Variants in ATP8A2 observed in about 807,000 individuals in gnomAD.
The protein encoded by ATP8A2 is phospholipid-transporting ATPase IB.
Under a neutral mutation model 165.6 loss-of-function variants are expected in ATP8A2, and 100 were observed. The observed-to-expected ratio is 0.60, with a 90% confidence interval of 0.51 to 0.71. ATP8A2 has a LOEUF of 0.71. Among genes scored for constraint, ATP8A2 ranks in the 30% least tolerant of loss-of-function variants. ATP8A2 has a pLI of 0.00. For synonymous variants in ATP8A2, 543 were observed against 548.8 expected (o/e 0.99, Z 0.15); for missense variants, 1,227 against 1,479.5 (o/e 0.83, Z 2.80).
intron 23 of ATP8A2, among the ~76,000 whole-genome samples, chr13:25,584,242 C>T (rs4438146): frequency 0.6 from 90,756 of 152,038 alleles, 28,743 homozygotes; most frequent in Middle Eastern, 0.71. Context: ...AAAGCATATA[C>T]GTCCGGACAT....
intron 24 of ATP8A2, among the ~76,000 whole-genome samples, chr13:25,674,295 C>G (rs1424895171): frequency 1.3e-5 from 2 of 150,980 alleles, no homozygotes; most frequent in Non-Finnish European, 2.9e-5. Flanking sequence ...CTATAAGGAC[C>G]TTTGGCTCTT....
intron 33 of ATP8A2, among the ~76,000 whole-genome samples, chr13:25,892,952 G>C (rs1953423277): frequency 6.6e-6 from 1 of 152,116 alleles, no homozygotes; most frequent in Non-Finnish European, 1.5e-5. Context: ...GATAGGCTCA[G>C]GTTTGGGACT....
chr13:26,020,046 C>A lies in ATP8A2; in HGVS notation c.*61C>A. 1 of 1,234,302 alleles carries A rather than the reference C, an allele frequency of 8.1e-7. No individual in the cohort carries two copies. The highest frequency in any genetic ancestry group is 1.2e-6 in the Non-Finnish European group (1 of 840,754). The allele number at this position is 1,234,302 out of a possible 1,614,324, so 76.5% of individuals were successfully genotyped here. ...TTCAGTTTGTTGCACCCAGTGTTAA[C>A]ACATCTTTGTCAGAGAAGACTGGCG... is the stretch of plus-strand genomic sequence containing the variant. On this transcript the variant is annotated 3_prime_UTR_variant, in exon 37 of 37. Coordinates refer to ENST00000381655, the MANE Select transcript of ATP8A2 (RefSeq NM_016529.6).
At chr13:25,839,414 A>C in intron 29 of ATP8A2, 132 bp from the exon 30 acceptor site, 1 of 625,738 alleles carries the variant, frequency 1.6e-6, no homozygotes, top group Non-Finnish European at 2.9e-6. Flanking sequence ...TTTCAAATTC[A>C]AGAATAATAT....
rs373263564 is a variant in ATP8A2, at chr13:25,609,542, A to AAT, written c.2211+19858_2211+19859dup. Among the ~76,000 whole-genome samples the AAT allele has an allele frequency of 2.2e-3, 315 of 143,652 alleles. 2 individuals are homozygous for AAT. The highest frequency in any genetic ancestry group is 3.0e-3 in the Non-Finnish European group (201 of 66,054). The allele number at this position is 143,652 out of a possible 152,430, so 94.2% of individuals were successfully genotyped here. A position where few individuals can be genotyped will look rare whatever the true frequency, so the allele number is the denominator to read the frequency against. ...CAAATATATATATATTTGGGATTCA[A>AAT]ATATATATATATATATTTGGATTCA... On this transcript the variant is annotated intron_variant, in intron 24 of 36. Coordinates refer to ENST00000381655, the MANE Select transcript of ATP8A2 (RefSeq NM_016529.6).
chr13:25,793,568 A>G (rs1413260416), intron 27 of ATP8A2, among the ~76,000 whole-genome samples: 1 of 152,326 alleles, frequency 6.6e-6, no homozygotes, highest in Non-Finnish European at 1.5e-5. Context: ...AGAAGTACAT[A>G]TGTGTGCACA....
intron 2 of ATP8A2, among the ~76,000 whole-genome samples, chr13:25,472,919 CATTT>C (rs1222904025): frequency 6.6e-6 from 1 of 152,064 alleles, no homozygotes; most frequent in Non-Finnish European, 1.5e-5. Context: ...GGGAAGCTGG[CATTT>C]GACTAGGAAT....
intron 33 of ATP8A2, among the ~76,000 whole-genome samples, chr13:25,917,287 C>G (rs953207927): frequency 1.3e-5 from 2 of 152,148 alleles, no homozygotes; most frequent in African/African-American, 4.8e-5. Context: ...TTTCTTCCTT[C>G]CCTTGTCTTC....
intron 2 of ATP8A2, among the ~76,000 whole-genome samples, chr13:25,495,374 C>A (rs1168259540): frequency 6.6e-6 from 1 of 152,038 alleles, no homozygotes; most frequent in African/African-American, 2.4e-5. Context: ...CTTGTGTGGG[C>A]GAGAGCTGGA....
chr13:25,992,113 C>T lies in ATP8A2; in HGVS notation c.3378-20418C>T, dbSNP rs760820933. Among the ~76,000 whole-genome samples the T allele has an allele frequency of 2.6e-5, 4 of 151,376 alleles. No homozygotes were observed. The South Asian group carries it at 8.3e-4, about 32-fold the overall frequency. ...GGTTGTGGTATGTTTGGTTTTTAAACAAACTGCCAAGCTGTTTTTCAGAGT... is the reference window on the plus strand; with the variant it reads ...GGTTGTGGTATGTTTGGTTTTTAAATAAACTGCCAAGCTGTTTTTCAGAGT... On this transcript the variant is annotated intron_variant, in intron 35 of 36. Coordinates refer to ENST00000381655, the MANE Select transcript of ATP8A2 (RefSeq NM_016529.6).
At chr13:25,816,674 G>A (rs1260717908) in intron 27 of ATP8A2, among the ~76,000 whole-genome samples, 2 of 152,196 alleles carry the variant, frequency 1.3e-5, no homozygotes, top group African/African-American at 2.4e-5. Flanking sequence ...AAAACTTGAA[G>A]CAGGGCCTTA....
At chr13:25,809,351 A>G (rs138904820) in intron 27 of ATP8A2, among the ~76,000 whole-genome samples, 1 of 152,292 alleles carries the variant, frequency 6.6e-6, no homozygotes, top group African/African-American at 2.4e-5. Flanking sequence ...AAGAATAAAA[A>G]TGAAGTGTCT....
chr13:25,706,974 C>T (rs564530095), intron 25 of ATP8A2, among the ~76,000 whole-genome samples: 9 of 151,956 alleles, frequency 5.9e-5, no homozygotes, highest in East Asian at 5.8e-4. Context: ...AGGATGAGAG[C>T]GCTCAGATGT....
chr13:25,404,835 C>T (rs929033400), intron 1 of ATP8A2, among the ~76,000 whole-genome samples: 3 of 151,806 alleles, frequency 2.0e-5, no homozygotes, highest in Admixed American at 1.3e-4. Context: ...AATGGGCACT[C>T]GTGGGAACTG....
chr13:25,698,739 A>G (rs2042887830), intron 24 of ATP8A2, among the ~76,000 whole-genome samples: 1 of 152,178 alleles, frequency 6.6e-6, no homozygotes, highest in Non-Finnish European at 1.5e-5. Flanking sequence ...TAATCTGAAG[A>G]TCTCAGCAGG....
At chr13:25,630,747 C>A (rs181134807) in intron 24 of ATP8A2, among the ~76,000 whole-genome samples, 15 of 151,986 alleles carry the variant, frequency 9.9e-5, no homozygotes, top group Non-Finnish European at 1.9e-4. Flanking sequence ...GTGTTGACTG[C>A]GAACCTGAGC....
intron 2 of ATP8A2, among the ~76,000 whole-genome samples, chr13:25,513,675 C>G (rs576724895): frequency 6.6e-6 from 1 of 152,208 alleles, no homozygotes; most frequent in Non-Finnish European, 1.5e-5. Flanking sequence ...CCATTGAGCA[C>G]TGAGTGAACC....
intron 24 of ATP8A2, among the ~76,000 whole-genome samples, chr13:25,676,422 A>AT (rs1326949562): frequency 3.3e-5 from 5 of 152,148 alleles, no homozygotes; most frequent in Admixed American, 2.6e-4. Context: ...TGGCAGGGAA[A>AT]TAACCAGGTC....
intron 24 of ATP8A2, among the ~76,000 whole-genome samples, chr13:25,665,711 T>TTTATTA (rs1046265049): frequency 6.6e-6 from 1 of 151,604 alleles, no homozygotes; most frequent in African/African-American, 2.4e-5. Context: ...CTTATTTGTT[T>TTTATTA]TTATTATTAT....
Sources: gnomAD v4.1 joint callset for allele counts (sites outside exome capture counted in the v4.1 genomes callset) on GRCh38, gnomAD v4.1.1 for gene constraint, MANE v1.5 for transcripts, NCBI Gene and HGNC (gene_info 2026-07-23, HGNC 2026-07-21) for gene names.